The following HSP90AA1 variants were observed in gnomAD, a reference collection of about 807,000 sequenced individuals.
HSP90AA1 encodes the protein heat shock protein HSP 90-alpha.
In HSP90AA1, 18 loss-of-function variants were observed where a neutral mutation model predicts 73.3. The ratio of observed to expected loss-of-function variants is 0.25; its 90% confidence interval spans 0.17 to 0.36. The LOEUF is 0.36. HSP90AA1 is among the 10% of genes least tolerant of loss of function. HSP90AA1 has a pLI of 1.00. For missense variants in HSP90AA1, 704 were observed against 874.2 expected, an observed-to-expected ratio of 0.81 and a Z score of 2.45; for synonymous variants, 477 against 296.9, an observed-to-expected ratio of 1.61 and a Z score of -6.24.
At chr14:102,082,613 T>C (rs1156258549) in intron 9 of HSP90AA1, 169 bp from the exon 10 acceptor site, 5 of 640,970 alleles carry the variant, frequency 7.8e-6, no homozygotes, top group East Asian at 2.7e-5. Flanking sequence ...TATAATTTCA[T>C]GTTTTACATG....
At position 102,128,452 on chromosome 14, in the gene HSP90AA1, A is replaced by G. The variant is rs536197971; in HGVS notation, c.155+10798T>C. On this transcript the variant is annotated intron_variant, in intron 1 of 11. Coordinates refer to the HSP90AA1 transcript ENST00000334701. Reference sequence around the variant, plus strand: ...AGACCAGCCTGGCCAACATGATGAAACCCCATCTCTACTGAAAACACAAAA... The same window carrying G: ...AGACCAGCCTGGCCAACATGATGAAGCCCCATCTCTACTGAAAACACAAAA... Among the ~76,000 whole-genome samples, 10 of 151,916 alleles carry G rather than the reference A, an allele frequency of 6.6e-5. No homozygotes were observed. In the East Asian group the frequency reaches 1.9e-3, roughly 29 times the overall value.
At chr14:102,122,816 T>A (rs191756208) in intron 1 of HSP90AA1, among the ~76,000 whole-genome samples, 1 of 150,546 alleles carries the variant, frequency 6.6e-6, no homozygotes, top group Non-Finnish European at 1.5e-5. Flanking sequence ...TACAGGTGCC[T>A]GCCACCATGC....
At chr14:102,126,925 C>T (rs989760958) in intron 1 of HSP90AA1, among the ~76,000 whole-genome samples, 1 of 152,166 alleles carries the variant, frequency 6.6e-6, no homozygotes, top group African/African-American at 2.4e-5. Context: ...TTACTTCCTG[C>T]CACAGGCCCC....
chr14:102,130,147 T>C (rs1441853272), intron 1 of HSP90AA1, among the ~76,000 whole-genome samples: 1 of 151,992 alleles, frequency 6.6e-6, no homozygotes, highest in Non-Finnish European at 1.5e-5. Flanking sequence ...ATTTTTGTAT[T>C]TTTAGTACAG....
chr14:102,127,488 T>C (rs1465455904), intron 1 of HSP90AA1, among the ~76,000 whole-genome samples: 1 of 152,206 alleles, frequency 6.6e-6, no homozygotes. Context: ...TTTATTACTA[T>C]GGTTTGGAAC....
At chr14:102,103,590 G>A (rs573092305) in intron 1 of HSP90AA1, among the ~76,000 whole-genome samples, 1 of 152,020 alleles carries the variant, frequency 6.6e-6, no homozygotes, top group Non-Finnish European at 1.5e-5. Context: ...GATCACCTGA[G>A]GTCAGGAGTT....
At chr14:102,121,218 A>G (rs1595677278) in intron 1 of HSP90AA1, among the ~76,000 whole-genome samples, 1 of 152,034 alleles carries the variant, frequency 6.6e-6, no homozygotes. Context: ...TTCATTTAAT[A>G]TATTTTGGAT....
chr14:102,095,243 A>G (rs1202549136), intron 2 of HSP90AA1, among the ~76,000 whole-genome samples: 1 of 152,192 alleles, frequency 6.6e-6, no homozygotes, highest in Non-Finnish European at 1.5e-5. Flanking sequence ...CAGTAGGGCC[A>G]GAAAGCCTGG....
chr14:102,093,194 T>TA (rs199529961), intron 2 of HSP90AA1, among the ~76,000 whole-genome samples: 38 of 146,906 alleles, frequency 2.6e-4, no homozygotes, highest in East Asian at 2.2e-3. Flanking sequence ...AAAAGTAAAT[T>TA]AAAAAATATA....
intron 1 of HSP90AA1, among the ~76,000 whole-genome samples, chr14:102,128,659 G>A (rs557690539): frequency 2.1e-5 from 3 of 146,182 alleles, no homozygotes; most frequent in African/African-American, 5.0e-5. Flanking sequence ...AAAATTAGCC[G>A]GGTGTGATGG....
chr14:102,105,142 A>G (rs1184736946), intron 1 of HSP90AA1, among the ~76,000 whole-genome samples: 1 of 139,520 alleles, frequency 7.2e-6, no homozygotes, highest in East Asian at 2.3e-4. Context: ...CGGGAGGTGG[A>G]GATTGCAGTG....
intron 2 of HSP90AA1, among the ~76,000 whole-genome samples, chr14:102,099,797 C>T (rs931410657): frequency 3.3e-5 from 5 of 152,174 alleles, no homozygotes; most frequent in Non-Finnish European, 5.9e-5. Flanking sequence ...TGCCCAGCGG[C>T]GGGTTTCCTG....
chr14:102,101,853 T>C, intron 2 of HSP90AA1: 3 of 1,592,616 alleles, frequency 1.9e-6, no homozygotes, highest in Non-Finnish European at 8.6e-7. Flanking sequence ...AGGATAGTAA[T>C]TTTAAACCTT....
At chr14:102,082,929 T>C (rs1022972705) in intron 9 of HSP90AA1, 105 bp downstream of exon 9, 30 of 1,229,588 alleles carry the variant, frequency 2.4e-5, no homozygotes, top group African/African-American at 1.0e-4. Context: ...ACACACAACA[T>C]AGTTTTCTGT....
chr14:102,132,603 T>TCCTA (rs924752674), intron 1 of HSP90AA1, among the ~76,000 whole-genome samples: 1 of 152,098 alleles, frequency 6.6e-6, no homozygotes, highest in Non-Finnish European at 1.5e-5. Flanking sequence ...ACAAGGTTAT[T>TCCTA]CCTACGCTTA....
upstream of HSP90AA1, chr14:102,139,728 A>G (rs1375877678): frequency 1.2e-6 from 1 of 817,684 alleles, no homozygotes; most frequent in African/African-American, 1.7e-5. Context: ...GGAGCACGCC[A>G]GGTGAGCACG....
chr14:102,115,874 G>A (rs868281667), intron 1 of HSP90AA1, among the ~76,000 whole-genome samples: 3 of 152,090 alleles, frequency 2.0e-5, no homozygotes, highest in Non-Finnish European at 4.4e-5. Flanking sequence ...CTCCTGAGTG[G>A]GTGGGATATA....
At chr14:102,084,321 T>C (rs2152611206) in intron 6 of HSP90AA1, 78 bp downstream of exon 6, 1 of 1,349,506 alleles carries the variant, frequency 7.4e-7, no homozygotes, top group Non-Finnish European at 1.1e-6. Context: ...GCTAGGATTA[T>C]AGGTGTGAGC....
intron 1 of HSP90AA1, among the ~76,000 whole-genome samples, chr14:102,132,684 C>T (rs1322786725): frequency 1.3e-5 from 2 of 152,094 alleles, no homozygotes; most frequent in South Asian, 4.1e-4. Context: ...AGGGGCTGGG[C>T]GTGGTGGCTC....
Sources: gnomAD v4.1 joint callset for allele counts (sites outside exome capture counted in the v4.1 genomes callset) on GRCh38, gnomAD v4.1.1 for gene constraint, MANE v1.5 for transcripts, NCBI Gene and HGNC (gene_info 2026-07-23, HGNC 2026-07-21) for gene names.